Variants in DACH1 observed in about 807,000 individuals in gnomAD.
DACH1 encodes the protein dachshund homolog 1.
In DACH1, 12 loss-of-function variants were observed where a neutral mutation model predicts 54.2. The ratio of observed to expected loss-of-function variants is 0.22; its 90% CI spans 0.14 to 0.36. DACH1 has a LOEUF of 0.36. DACH1 is among the 10% of genes least tolerant of loss of function. The pLI, the probability that DACH1 is intolerant of heterozygous loss-of-function variation, is 1.00. For synonymous variants in DACH1, 386 were observed against 366.2 expected, an observed-to-expected ratio of 1.05 and a Z score of -0.62; for missense variants, 805 against 929.8, an observed-to-expected ratio of 0.87 and a Z score of 1.75.
intron 1 of DACH1, among the ~76,000 whole-genome samples, chr13:71,834,591 CG>C (rs1464280714): frequency 1.3e-5 from 2 of 152,020 alleles, no homozygotes; most frequent in African/African-American, 4.8e-5. Context: ...GAATTCCACA[CG>C]CTTTTTAACG....
rs1022386391 is a variant in DACH1, at chr13:71,515,686, C to A, written c.1571-26538G>T. Among the ~76,000 whole-genome samples the A allele has an allele frequency of 2.6e-5, 4 of 151,782 alleles. No homozygotes were observed. The East Asian group carries it at 5.8e-4, about 22-fold the overall frequency. Reference sequence around the variant, plus strand: ...AAAGAAATACAAATTGCACATATTTCCCATTTAGCTAGTGTCACCAAAGTT... The same window carrying A: ...AAAGAAATACAAATTGCACATATTTACCATTTAGCTAGTGTCACCAAAGTT... On this transcript the variant is annotated intron_variant, in intron 6 of 10. Coordinates refer to ENST00000613252, the MANE Select transcript of DACH1 (RefSeq NM_080759.6).
At chr13:71,733,891 A>C (rs772257841) in intron 1 of DACH1, among the ~76,000 whole-genome samples, 4 of 152,028 alleles carry the variant, frequency 2.6e-5, no homozygotes, top group Non-Finnish European at 5.9e-5. Flanking sequence ...TCTACTAAAA[A>C]TACAACAATT....
chr13:71,474,482 T>C (rs772824226), intron 10 of DACH1, among the ~76,000 whole-genome samples: 1 of 152,176 alleles, frequency 6.6e-6, no homozygotes, highest in Non-Finnish European at 1.5e-5. Context: ...CTGGAATAGA[T>C]GTTTGCCTAT....
At chr13:71,639,660 T>C (rs1877750497) in intron 2 of DACH1, among the ~76,000 whole-genome samples, 1 of 151,974 alleles carries the variant, frequency 6.6e-6, no homozygotes, top group African/African-American at 2.4e-5. Context: ...ACTGAAGAGG[T>C]TATAGAAGTG....
chr13:71,668,679 C>T (rs919503523), intron 2 of DACH1, among the ~76,000 whole-genome samples: 1 of 151,936 alleles, frequency 6.6e-6, no homozygotes, highest in Non-Finnish European at 1.5e-5. Context: ...AATCCCAACA[C>T]TTTGAGAGGC....
intron 1 of DACH1, among the ~76,000 whole-genome samples, chr13:71,820,795 A>T (rs906927606): frequency 6.6e-6 from 1 of 152,208 alleles, no homozygotes; most frequent in Non-Finnish European, 1.5e-5. Context: ...TTCATCTTCT[A>T]AAAGCTGTTC....
intron 3 of DACH1, among the ~76,000 whole-genome samples, chr13:71,577,078 C>T (rs1885575919): frequency 6.6e-6 from 1 of 152,150 alleles, no homozygotes; most frequent in Non-Finnish European, 1.5e-5. Context: ...AAGTCCCTCA[C>T]AGTAGACTCT....
chr13:71,553,541 C>G (rs1884036117), intron 6 of DACH1, among the ~76,000 whole-genome samples: 1 of 143,328 alleles, frequency 7.0e-6, no homozygotes, highest in African/African-American at 2.6e-5. Context: ...AAGCCTAAAA[C>G]TTTTGTTTTA....
At position 71,584,080 on chromosome 13, in the gene DACH1, C is replaced by T. The variant is rs143017045; in HGVS notation, c.1127-11068G>A. ...TTACATCAGAGAATATTAAGATCAT[C>T]ATATACAGATGCTCTCATTTAGATA... On this transcript the variant is annotated intron_variant, in intron 3 of 10. Coordinates refer to ENST00000613252, the MANE Select transcript of DACH1 (RefSeq NM_080759.6). 5.1e-3 allele frequency among the ~76,000 whole-genome samples: 779 copies of T among 152,276 alleles called. 8 individuals carry two copies. The highest frequency in any genetic ancestry group is 0.017 in the African/African-American group (718 of 41,546).
chr13:71,864,218 A>G (rs1874561541), intron 1 of DACH1, among the ~76,000 whole-genome samples: 1 of 132,320 alleles, frequency 7.6e-6, no homozygotes, highest in South Asian at 2.4e-4. Flanking sequence ...CACACACAAC[A>G]TTTACCCCAA....
At chr13:71,754,544 A>G (rs1054281854) in intron 1 of DACH1, among the ~76,000 whole-genome samples, 6 of 152,126 alleles carry the variant, frequency 3.9e-5, no homozygotes, top group African/African-American at 1.4e-4. Context: ...AATGAGGTTT[A>G]TGGAGGTTAA....
At chr13:71,689,323 T>C (rs971470182) in intron 1 of DACH1, among the ~76,000 whole-genome samples, 1 of 152,170 alleles carries the variant, frequency 6.6e-6, no homozygotes, top group African/African-American at 2.4e-5. Flanking sequence ...CTATTAATAT[T>C]ACTGCATACA....
chr13:71,654,160 G>A (rs1399036634), intron 2 of DACH1, among the ~76,000 whole-genome samples: 1 of 151,966 alleles, frequency 6.6e-6, no homozygotes, highest in Non-Finnish European at 1.5e-5. Flanking sequence ...GGAGGCTGAG[G>A]CGGGAAGATC....
At chr13:71,443,209 G>A (rs923294619) in intron 10 of DACH1, among the ~76,000 whole-genome samples, 2 of 151,712 alleles carry the variant, frequency 1.3e-5, no homozygotes, top group African/African-American at 4.8e-5. Context: ...ATGCTAATAA[G>A]TTGTGTCAGA....
At chr13:71,677,903 A>G (rs1430696251) in intron 2 of DACH1, among the ~76,000 whole-genome samples, 1 of 152,070 alleles carries the variant, frequency 6.6e-6, no homozygotes, top group Non-Finnish European at 1.5e-5. Flanking sequence ...TATTTTTAGT[A>G]GAGATGGGGT....
intron 3 of DACH1, among the ~76,000 whole-genome samples, chr13:71,594,680 T>C (rs1267561862): frequency 1.3e-5 from 2 of 152,278 alleles, no homozygotes; most frequent in Admixed American, 6.5e-5. Context: ...TGAGGACTTT[T>C]TTTCTCCTTA....
chr13:71,745,968 C>T (rs111260888), intron 1 of DACH1, among the ~76,000 whole-genome samples: 2 of 152,228 alleles, frequency 1.3e-5, no homozygotes, highest in South Asian at 4.2e-4. Flanking sequence ...GCCTGTAATC[C>T]CAGCACTTTC....
intron 1 of DACH1, among the ~76,000 whole-genome samples, chr13:71,730,501 A>G (rs778633456): frequency 7.2e-5 from 11 of 152,160 alleles, no homozygotes; most frequent in Non-Finnish European, 1.3e-4. Flanking sequence ...AAAGTCAAAA[A>G]ATCAATCACA....
chr13:71,634,004 C>T (rs1328729262), intron 2 of DACH1, among the ~76,000 whole-genome samples: 3 of 148,916 alleles, frequency 2.0e-5, no homozygotes, highest in Non-Finnish European at 3.0e-5. Context: ...ACAGAGTCTC[C>T]TTCTGTCACC....
Sources: gnomAD v4.1 joint callset for allele counts (sites outside exome capture counted in the v4.1 genomes callset) on GRCh38, gnomAD v4.1.1 for gene constraint, MANE v1.5 for transcripts, NCBI Gene and HGNC (gene_info 2026-07-23, HGNC 2026-07-21) for gene names.